Variants in PIEZO2 observed in about 807,000 individuals in gnomAD.
The protein encoded by PIEZO2 is piezo type mechanosensitive ion channel component 2, also known as piezo-type mechanosensitive ion channel component 2.
In PIEZO2, 172 loss-of-function variants were observed where a neutral mutation model predicts 337.3. That is an observed-to-expected ratio of 0.51 (90% CI 0.45 to 0.58). The LOEUF (loss-of-function observed/expected upper bound fraction) is 0.58, where lower values mean the gene tolerates loss of function less well. PIEZO2 is among the 20% of genes least tolerant of loss of function. The probability of loss-of-function intolerance (pLI) is 0.00; values close to 1 mark genes in which losing one functional copy is unlikely to be tolerated. For missense variants in PIEZO2, 3,028 were observed against 3,391.3 expected (o/e 0.89, Z 2.66); for synonymous variants, 1,251 against 1,228.5 (o/e 1.02, Z -0.38).
chr18:11,034,545 G>A (rs954408826), intron 2 of PIEZO2, among the ~76,000 whole-genome samples: 1 of 152,056 alleles, frequency 6.6e-6, no homozygotes, highest in Non-Finnish European at 1.5e-5. Context: ...TGCCCGCCTC[G>A]GCCTCCCAAA....
Position 11,126,204 on chromosome 18 carries a change from T to A in PIEZO2, c.64+22321A>T, listed in dbSNP as rs532612167. On this transcript the variant is annotated intron_variant, in intron 1 of 55. Coordinates refer to ENST00000674853, the MANE Select transcript of PIEZO2 (RefSeq NM_001378183.1). This position sits in a 1 kb window ranked among gnomAD's most constrained non-coding sequence, Gnocchi z 4.6. ...GTTTAAAGTCTCCACCTCACTTTTT[T>A]AAAGTCAATATTCCCAGTAGGTTCA... is the stretch of plus-strand genomic sequence containing the variant. Among the ~76,000 whole-genome samples, 52 of 152,336 alleles carry A rather than the reference T, an allele frequency of 3.4e-4. 1 individual carries two copies. Among genetic ancestry groups the A allele is most frequent in the Non-Finnish European group, 3.8e-4 (26 of 68,032 alleles).
chr18:10,694,980 A>G (rs1567956302), intron 47 of PIEZO2, among the ~76,000 whole-genome samples: 1 of 152,238 alleles, frequency 6.6e-6, no homozygotes, highest in African/African-American at 2.4e-5. Context: ...CCAGTGACGA[A>G]GAGTTATAGT....
chr18:10,934,823 C>G (rs1264372808), intron 3 of PIEZO2, among the ~76,000 whole-genome samples: 1 of 152,174 alleles, frequency 6.6e-6, no homozygotes, highest in South Asian at 2.1e-4. Context: ...TTGTAACTTA[C>G]CATGCGGCAG....
intron 38 of PIEZO2, 86 bp from the exon 39 acceptor site, chr18:10,715,016 C>A: frequency 7.7e-7 from 1 of 1,293,794 alleles, no homozygotes; most frequent in South Asian, 1.4e-5. Flanking sequence ...GACAGCTTTT[C>A]ATACCCATGC....
At chr18:10,983,826 G>A (rs2034765044) in intron 2 of PIEZO2, among the ~76,000 whole-genome samples, 1 of 152,164 alleles carries the variant, frequency 6.6e-6, no homozygotes, top group Non-Finnish European at 1.5e-5. Flanking sequence ...TTAGCATCTG[G>A]CTTGACACTA....
In PIEZO2 at chr18:11,077,190, T is replaced by C. The variant is rs1452435453; in HGVS notation, c.65-10968A>G. On this transcript the variant is annotated intron_variant, in intron 1 of 55. Transcript: ENST00000674853. The surrounding 1 kb of genome is among the most constrained non-coding windows in gnomAD (Gnocchi z 4.8). The stretch of plus-strand genomic sequence containing the variant: ...CAAAATAAAACTTGCTCTCTTACCA[T>C]TATGATGAATAAGAATAATTAGGGG... 6.6e-6 allele frequency among the ~76,000 whole-genome samples: 1 copy of C among 152,176 alleles called. No homozygotes were observed. Among genetic ancestry groups the C allele is most frequent in the African/African-American group, 2.4e-5 (1 of 41,454 alleles).
At chr18:11,013,064 T>C (rs2035960697) in intron 2 of PIEZO2, among the ~76,000 whole-genome samples, 1 of 152,188 alleles carries the variant, frequency 6.6e-6, no homozygotes, top group South Asian at 2.1e-4. Context: ...TTATTTATTC[T>C]AAAATTTTCA....
At chr18:10,700,491 A>C (rs528754078) in intron 43 of PIEZO2, among the ~76,000 whole-genome samples, 1 of 152,122 alleles carries the variant, frequency 6.6e-6, no homozygotes, top group Admixed American at 6.5e-5. Flanking sequence ...TTTTCAAAAA[A>C]AGAATAAGAT....
At chr18:10,818,838 A>T (rs1196489592) in intron 7 of PIEZO2, among the ~76,000 whole-genome samples, 1 of 152,206 alleles carries the variant, frequency 6.6e-6, no homozygotes, top group Non-Finnish European at 1.5e-5. Flanking sequence ...GTTGTCAAAG[A>T]CTAGAAGGGC....
intron 43 of PIEZO2, among the ~76,000 whole-genome samples, chr18:10,700,865 C>T (rs1009358484): frequency 6.6e-5 from 10 of 152,202 alleles, no homozygotes; most frequent in Non-Finnish European, 1.3e-4. Flanking sequence ...AGATACATAG[C>T]TTTCAAAAAC....
intron 18 of PIEZO2, among the ~76,000 whole-genome samples, chr18:10,777,442 C>T (rs1335293547): frequency 1.3e-5 from 2 of 152,202 alleles, no homozygotes; most frequent in Admixed American, 6.5e-5. Flanking sequence ...TACTCATCAC[C>T]CTTACAAAAT....
chr18:10,780,471 T>A (rs1382752604), intron 17 of PIEZO2, 105 bp from the exon 18 acceptor site: 4 of 672,148 alleles, frequency 6.0e-6, no homozygotes, highest in African/African-American at 1.8e-5. Context: ...TCCCTTAAGC[T>A]TCCTAGCATC....
intron 23 of PIEZO2, among the ~76,000 whole-genome samples, chr18:10,762,015 A>T (rs1463694614): frequency 1.3e-5 from 2 of 152,192 alleles, no homozygotes; most frequent in African/African-American, 4.8e-5. Context: ...TTTATTAAAA[A>T]CTATAGATAA....
At chr18:11,061,729 A>G (rs2037967554) in intron 2 of PIEZO2, among the ~76,000 whole-genome samples, 1 of 152,176 alleles carries the variant, frequency 6.6e-6, no homozygotes, top group Non-Finnish European at 1.5e-5. Context: ...AAGGAGAACT[A>G]CAAACCACTG....
At position 10,962,056 on chromosome 18, in the gene PIEZO2, C is replaced by T. The variant is rs1820814371; in HGVS notation, c.286+17479G>A. On this transcript the variant is annotated intron_variant, in intron 3 of 55. Coordinates refer to ENST00000674853, the MANE Select transcript of PIEZO2 (RefSeq NM_001378183.1). The surrounding 1 kb of genome is among the most constrained non-coding windows in gnomAD (Gnocchi z 4.1). ...CATCCAGAAATGCACCACTGATTCTCGCAACGTTCAGTTTTTTTTTCCAAG... is the reference window on the plus strand; with the variant it reads ...CATCCAGAAATGCACCACTGATTCTTGCAACGTTCAGTTTTTTTTTCCAAG... 6.6e-6 allele frequency among the ~76,000 whole-genome samples: 1 copy of T among 151,772 alleles called. No homozygotes were observed. Among genetic ancestry groups the T allele is most frequent in the Non-Finnish European group, 1.5e-5 (1 of 68,020 alleles).
intron 4 of PIEZO2, among the ~76,000 whole-genome samples, chr18:10,884,590 C>T (rs1462226871): frequency 6.6e-6 from 1 of 152,144 alleles, no homozygotes; most frequent in Non-Finnish European, 1.5e-5. Context: ...GGCTAGTGAG[C>T]TGCCTGCTTC....
rs553675444 is a variant in PIEZO2, at chr18:10,988,689, C to T, written c.161-9029G>A. On this transcript the variant is annotated intron_variant, in intron 2 of 55. Transcript: ENST00000674853. The surrounding 1 kb of genome is among the most constrained non-coding windows in gnomAD (Gnocchi z 4.8). ...GATATGGAAACATCCTAAATGTCCA[C>T]TGAAGGAATATTGGATAAGGAAATT... Among the ~76,000 whole-genome samples, 1 of 152,266 alleles carries T rather than the reference C, an allele frequency of 6.6e-6. No homozygotes were observed. Among genetic ancestry groups the T allele is most frequent in the African/African-American group, 2.4e-5 (1 of 41,552 alleles).
Position 11,078,711 on chromosome 18 carries a change from G to A in PIEZO2, c.65-12489C>T, listed in dbSNP as rs1238338753. 1.3e-5 allele frequency among the ~76,000 whole-genome samples: 2 copies of A among 152,182 alleles called. No homozygotes were observed. The highest frequency in any genetic ancestry group is 2.9e-5 in the Non-Finnish European group (2 of 68,048). Reference sequence around the variant, plus strand: ...CACATGCGGCCTCTGACCACAGTGTGAAAACCTCGCTCCCAGAGCAACATC... The same window carrying A: ...CACATGCGGCCTCTGACCACAGTGTAAAAACCTCGCTCCCAGAGCAACATC... On this transcript the variant is annotated intron_variant, in intron 1 of 55. Transcript: ENST00000674853. The surrounding 1 kb of genome is among the most constrained non-coding windows in gnomAD (Gnocchi z 5.3).
At position 11,096,868 on chromosome 18, in the gene PIEZO2, A is replaced by T. The variant is rs1241128102; in HGVS notation, c.65-30646T>A. Among the ~76,000 whole-genome samples the T allele has an allele frequency of 6.6e-6, 1 of 152,228 alleles. No individual in the cohort carries two copies. Among genetic ancestry groups the T allele is most frequent in the Non-Finnish European group, 1.5e-5 (1 of 68,050 alleles). On this transcript the variant is annotated intron_variant, in intron 1 of 55. Transcript: ENST00000674853. The surrounding 1 kb of genome is among the most constrained non-coding windows in gnomAD (Gnocchi z 4.6). ...ACATGGACTTCAGGGGGGTGGTACC[A>T]CAGTGGCAGAGAATCACCAAAGGTG...
Sources: gnomAD v4.1 joint callset for allele counts (sites outside exome capture counted in the v4.1 genomes callset) on GRCh38, gnomAD v4.1.1 for gene constraint, Gnocchi (gnomAD v3.1) non-coding constraint, MANE v1.5 for transcripts, NCBI Gene and HGNC (gene_info 2026-07-23, HGNC 2026-07-21) for gene names.